Variants in RGS22 observed in about 807,000 individuals in gnomAD.
The protein encoded by RGS22 is regulator of G protein signaling 22.
In RGS22, 148 loss-of-function variants were observed where a neutral mutation model predicts 172.9. That is an observed-to-expected ratio of 0.86 (90% CI 0.75 to 0.98). RGS22 has a LOEUF of 0.98. RGS22 is among the 50% of genes least tolerant of loss of function. The probability of loss-of-function intolerance (pLI) is 0.00; values close to 1 mark genes in which losing one functional copy is unlikely to be tolerated. For missense variants in RGS22, 1,347 were observed against 1,440.8 expected (o/e 0.93, Z 1.05); for synonymous variants, 458 against 480.2 (o/e 0.95, Z 0.60).
chr8:100,106,035 T>C lies in RGS22; in HGVS notation c.-114A>G. ...GGCGACGGCGCGCGGGCTCCGGAGC[T>C]ACGCTGGCTAGCGTGGCCGGCGCCG... On this transcript the variant is annotated 5_prime_UTR_variant, in exon 1 of 28. Coordinates refer to ENST00000360863, the MANE Select transcript of RGS22 (RefSeq NM_015668.5). 8.5e-7 allele frequency: 1 copy of C among 1,182,056 alleles called. No homozygotes were observed. Among genetic ancestry groups the C allele is most frequent in the African/African-American group, 1.6e-5 (1 of 62,300 alleles). The allele number at this position is 1,182,056 out of a possible 1,614,324, so 73.2% of individuals were successfully genotyped here.
At chr8:100,053,353 C>T (rs896612621) in intron 9 of RGS22, among the ~76,000 whole-genome samples, 15 of 150,596 alleles carry the variant, frequency 1.0e-4, no homozygotes, top group African/African-American at 2.9e-4. Context: ...ACCCAGAAGG[C>T]GGAGGTTGCA....
chr8:100,058,689 G>T (rs528893861), intron 9 of RGS22, among the ~76,000 whole-genome samples: 1 of 152,056 alleles, frequency 6.6e-6, no homozygotes, highest in African/African-American at 2.4e-5. Context: ...GACTTTCCCA[G>T]ACAAACAAAA....
At chr8:100,006,826 T>C (rs903508770) in intron 15 of RGS22, among the ~76,000 whole-genome samples, 3 of 152,194 alleles carry the variant, frequency 2.0e-5, no homozygotes, top group Non-Finnish European at 4.4e-5. Flanking sequence ...AGAGATTTAT[T>C]TTTCCTCCTA....
intron 14 of RGS22, among the ~76,000 whole-genome samples, chr8:100,036,117 A>AAAAAGAAAAAAAATTGAAAT (rs1166183059): frequency 7.3e-5 from 11 of 151,370 alleles, no homozygotes; most frequent in Non-Finnish European, 1.3e-4. Context: ...AACAATTTTA[A>AAAAAGAAAAAAAATTGAAAT]AAAAGAAAAA....
At chr8:99,966,960 G>A (rs1026324251) in intron 23 of RGS22, among the ~76,000 whole-genome samples, 13 of 152,122 alleles carry the variant, frequency 8.5e-5, no homozygotes, top group African/African-American at 2.7e-4. Context: ...AACAGCTCCC[G>A]TCTGCAGCTC....
chr8:100,008,250 C>T (rs1190234493), intron 15 of RGS22, 125 bp downstream of exon 15: 4 of 795,154 alleles, frequency 5.0e-6, no homozygotes, highest in East Asian at 5.7e-5. Context: ...GTTAGCTAGG[C>T]TGGTCTTGAA....
chr8:100,041,011 A>G (rs1297650173), intron 12 of RGS22, among the ~76,000 whole-genome samples: 1 of 152,242 alleles, frequency 6.6e-6, no homozygotes, highest in Non-Finnish European at 1.5e-5. Flanking sequence ...ATGGAGTACT[A>G]TTTGCATAGA....
At chr8:99,962,359 G>T in intron 27 of RGS22, 35 bp downstream of exon 27, 1 of 1,376,750 alleles carries the variant, frequency 7.3e-7, no homozygotes. Flanking sequence ...ACGAGGACAT[G>T]TGTGGGACCA....
At chr8:100,011,145 A>C (rs970015413) in intron 14 of RGS22, among the ~76,000 whole-genome samples, 1 of 152,164 alleles carries the variant, frequency 6.6e-6, no homozygotes, top group African/African-American at 2.4e-5. Flanking sequence ...GGTGAATAAG[A>C]GAAGATACTT....
chr8:100,016,611 A>G (rs1816986447), intron 14 of RGS22, among the ~76,000 whole-genome samples: 1 of 152,026 alleles, frequency 6.6e-6, no homozygotes, highest in Non-Finnish European at 1.5e-5. Context: ...CCCTGTCTCT[A>G]CTAAAAATAC....
chr8:100,105,793 C>T, intron 1 of RGS22, 104 bp downstream of exon 1: 2 of 1,004,216 alleles, frequency 2.0e-6, no homozygotes, highest in Non-Finnish European at 2.9e-6. Flanking sequence ...TGTCTGGGAG[C>T]GGGGATACCG....
At chr8:99,971,238 G>T (rs1403744274) in intron 23 of RGS22, among the ~76,000 whole-genome samples, 1 of 152,080 alleles carries the variant, frequency 6.6e-6, no homozygotes, top group Non-Finnish European at 1.5e-5. Context: ...AAAATAATAA[G>T]GTCAATTTAT....
intron 2 of RGS22, among the ~76,000 whole-genome samples, chr8:100,102,576 C>T (rs1432050594): frequency 3.3e-5 from 5 of 152,154 alleles, no homozygotes; most frequent in Admixed American, 2.6e-4. Flanking sequence ...CTGCTCTCAG[C>T]TAAAAGATGC....
intron 2 of RGS22, among the ~76,000 whole-genome samples, chr8:100,095,889 G>A (rs981527627): frequency 2.6e-5 from 4 of 152,140 alleles, no homozygotes; most frequent in African/African-American, 4.8e-5. Context: ...CAGCAATTCC[G>A]TTGATATTGG....
At chr8:99,962,314 G>T in intron 27 of RGS22, 80 bp downstream of exon 27, 1 of 850,370 alleles carries the variant, frequency 1.2e-6, no homozygotes, top group East Asian at 2.4e-5. Flanking sequence ...TATGCTGTGT[G>T]TGTGCATGCG....
chr8:100,106,039 C>G lies in RGS22; in HGVS notation c.-118G>C. 8.5e-7 allele frequency: 1 copy of G among 1,178,868 alleles called. No individual in the cohort carries two copies. Among genetic ancestry groups the G allele is most frequent in the Non-Finnish European group, 1.0e-6 (1 of 954,612 alleles). The allele number at this position is 1,178,868 out of a possible 1,614,324, so 73.0% of individuals were successfully genotyped here. On this transcript the variant is annotated 5_prime_UTR_variant, in exon 1 of 28. Transcript: ENST00000360863. ...ACGGCGCGCGGGCTCCGGAGCTACG[C>G]TGGCTAGCGTGGCCGGCGCCGCGCC...
intron 14 of RGS22, among the ~76,000 whole-genome samples, chr8:100,022,743 ATTAAT>A (rs998477032): frequency 6.6e-6 from 1 of 151,958 alleles, no homozygotes; most frequent in African/African-American, 2.4e-5. Flanking sequence ...AAATTAATTA[ATTAAT>A]TTATTTATTT....
chr8:100,016,978 C>CTTTTT lies in RGS22; in HGVS notation c.2167-8414_2167-8410dup, dbSNP rs71274949. On this transcript the variant is annotated intron_variant, in intron 14 of 27. Coordinates refer to ENST00000360863, the MANE Select transcript of RGS22 (RefSeq NM_015668.5). Reference sequence around the variant, plus strand: ...CCTACATCCCTGATTCCTTACCAGTCTTTTTTTTTTTTTTTTTTTTTTTTT... The same window carrying CTTTTT: ...CCTACATCCCTGATTCCTTACCAGTCTTTTTTTTTTTTTTTTTTTTTTTTTTTTTT... Among the ~76,000 whole-genome samples the CTTTTT allele has an allele frequency of 3.3e-4, 12 of 36,132 alleles. 4 individuals carry two copies. Among genetic ancestry groups the CTTTTT allele is most frequent in the African/African-American group, 8.8e-4 (10 of 11,354 alleles). 23.7% of individuals were successfully genotyped at this position (36,132 alleles called of 152,430 possible).
intron 8 of RGS22, 112 bp downstream of exon 8, chr8:100,063,304 A>T (rs1328174903): frequency 2.9e-6 from 2 of 699,068 alleles, no homozygotes; most frequent in African/African-American, 3.6e-5. Context: ...TCCAAGAGTA[A>T]AAAATTACAT....
Sources: allele counts gnomAD v4.1 joint callset (sites outside exome capture counted in the v4.1 genomes callset), GRCh38; gene constraint gnomAD v4.1.1; transcripts MANE v1.5; gene names NCBI Gene and HGNC (gene_info 2026-07-23, HGNC 2026-07-21).